Variants in FSTL5 observed in about 807,000 individuals in gnomAD.
FSTL5 encodes the protein follistatin like 5.
FSTL5 carries 62 observed loss-of-function variants against 89.1 expected under a neutral mutation model. That is an observed-to-expected ratio of 0.70 (90% CI 0.57 to 0.86). The LOEUF (loss-of-function observed/expected upper bound fraction) is 0.86, where lower values mean the gene tolerates loss of function less well. FSTL5 is among the 40% of genes least tolerant of loss of function. The pLI, the probability that FSTL5 is intolerant of heterozygous loss-of-function variation, is 0.00. For missense variants in FSTL5, 1,057 were observed against 1,001.6 expected, an observed-to-expected ratio of 1.06 and a Z score of -0.75; for synonymous variants, 383 against 346.2, an observed-to-expected ratio of 1.11 and a Z score of -1.18.
chr4:161,944,347 T>G (rs1734677526), intron 3 of FSTL5, among the ~76,000 whole-genome samples: 2 of 152,000 alleles, frequency 1.3e-5, no homozygotes, highest in African/African-American at 2.4e-5. Context: ...AAAAATCTAT[T>G]TTACATTTAT....
At chr4:161,755,315 A>G (rs961792834) in intron 6 of FSTL5, among the ~76,000 whole-genome samples, 2 of 152,114 alleles carry the variant, frequency 1.3e-5, no homozygotes, top group Admixed American at 1.3e-4. Flanking sequence ...CAAAGAAAAA[A>G]GGTATTTTTG....
intron 6 of FSTL5, among the ~76,000 whole-genome samples, chr4:161,669,841 T>A (rs1022100124): frequency 3.3e-5 from 5 of 152,100 alleles, no homozygotes; most frequent in African/African-American, 1.2e-4. Context: ...AGATAGATCA[T>A]AAGGTGTTTA....
intron 15 of FSTL5, among the ~76,000 whole-genome samples, chr4:161,443,453 G>A (rs1023510234): frequency 1.3e-5 from 2 of 151,932 alleles, no homozygotes; most frequent in East Asian, 1.9e-4. Flanking sequence ...CAAAGTATGA[G>A]TTTAAGAAAA....
intron 7 of FSTL5, among the ~76,000 whole-genome samples, chr4:161,605,630 A>T (rs1410360471): frequency 6.6e-6 from 1 of 152,182 alleles, no homozygotes; most frequent in Non-Finnish European, 1.5e-5. Flanking sequence ...TCACTACTAA[A>T]TTCTTGTCCT....
At chr4:161,646,180 T>C (rs1736148654) in intron 7 of FSTL5, among the ~76,000 whole-genome samples, 1 of 148,180 alleles carries the variant, frequency 6.7e-6, no homozygotes, top group Non-Finnish European at 1.5e-5. Flanking sequence ...ATATATAATA[T>C]ATCATATATA....
At chr4:161,430,697 G>A (rs1212345845) in intron 15 of FSTL5, among the ~76,000 whole-genome samples, 1 of 152,142 alleles carries the variant, frequency 6.6e-6, no homozygotes, top group Non-Finnish European at 1.5e-5. Flanking sequence ...CCAAGATCCG[G>A]CTACTGCATT....
intron 3 of FSTL5, among the ~76,000 whole-genome samples, chr4:161,924,740 G>A (rs1734078947): frequency 6.6e-6 from 1 of 151,702 alleles, no homozygotes; most frequent in African/African-American, 2.4e-5. Context: ...GATATACAGG[G>A]CATGGAATAG....
At chr4:161,836,472 G>T (rs537992905) in intron 4 of FSTL5, among the ~76,000 whole-genome samples, 3 of 149,336 alleles carry the variant, frequency 2.0e-5, no homozygotes, top group African/African-American at 4.9e-5. Flanking sequence ...AAAAAAAAAA[G>T]AAAAGAAAAG....
chr4:161,963,300 C>T (rs1735232193), intron 3 of FSTL5, among the ~76,000 whole-genome samples: 1 of 151,818 alleles, frequency 6.6e-6, no homozygotes, highest in Non-Finnish European at 1.5e-5. Flanking sequence ...AAATTCCTCA[C>T]ATATTGTATA....
intron 3 of FSTL5, among the ~76,000 whole-genome samples, chr4:162,016,579 G>T (rs1736922327): frequency 6.6e-6 from 1 of 152,110 alleles, no homozygotes; most frequent in African/African-American, 2.4e-5. Flanking sequence ...AATTCCTTTG[G>T]ACTTTAGTGT....
chr4:161,766,111 T>C (rs554603096), intron 5 of FSTL5, among the ~76,000 whole-genome samples: 1 of 152,188 alleles, frequency 6.6e-6, no homozygotes, highest in Non-Finnish European at 1.5e-5. Flanking sequence ...GCATTTTTAA[T>C]GTAAATCAGT....
intron 4 of FSTL5, among the ~76,000 whole-genome samples, chr4:161,902,067 T>A (rs1308543818): frequency 6.6e-6 from 1 of 152,218 alleles, no homozygotes; most frequent in African/African-American, 2.4e-5. Flanking sequence ...ATTTGTTACA[T>A]GTATTCTGAT....
chr4:161,841,870 G>C (rs1424430205), intron 4 of FSTL5, among the ~76,000 whole-genome samples: 2 of 151,954 alleles, frequency 1.3e-5, no homozygotes, highest in Non-Finnish European at 2.9e-5. Context: ...CCTCTCTATG[G>C]GCCTTAAGAT....
intron 7 of FSTL5, among the ~76,000 whole-genome samples, chr4:161,592,603 T>G (rs1733860722): frequency 6.6e-6 from 1 of 152,202 alleles, no homozygotes; most frequent in Non-Finnish European, 1.5e-5. Flanking sequence ...GGACATGAAC[T>G]CATCCTTTTC....
Position 162,039,437 on chromosome 4 carries a change from T to C in FSTL5, c.127-5779A>G, listed in dbSNP as rs1396953328. ...ACTATTTTTAAAAACAAGTCAAAAT[T>C]AAAAGGAAAATCCCTGTGAAAATTT... On this transcript the variant is annotated intron_variant, in intron 2 of 15. Transcript: ENST00000306100. Among the ~76,000 whole-genome samples, 3 of 152,000 alleles carry C rather than the reference T, an allele frequency of 2.0e-5. 1 individual carries two copies. The East Asian group carries it at 5.8e-4, about 29-fold the overall frequency.
At chr4:161,698,051 C>T (rs1482789273) in intron 6 of FSTL5, among the ~76,000 whole-genome samples, 2 of 151,866 alleles carry the variant, frequency 1.3e-5, no homozygotes, top group African/African-American at 2.4e-5. Context: ...GGAGATGAGG[C>T]CTTTGGTAAG....
chr4:161,987,655 A>T (rs1026086107), intron 3 of FSTL5, among the ~76,000 whole-genome samples: 4 of 148,552 alleles, frequency 2.7e-5, no homozygotes, highest in African/African-American at 9.8e-5. Flanking sequence ...TTTTATTGAA[A>T]TATATATATA....
At chr4:161,883,552 A>G (rs1020768528) in intron 4 of FSTL5, among the ~76,000 whole-genome samples, 7 of 152,074 alleles carry the variant, frequency 4.6e-5, no homozygotes, top group Non-Finnish European at 1.0e-4. Flanking sequence ...AAGCAAAATG[A>G]GCCCTCTGGG....
In FSTL5 at chr4:162,010,480, T is replaced by C. The variant is rs556727476; in HGVS notation, c.160+23145A>G. 5.3e-5 allele frequency among the ~76,000 whole-genome samples: 8 copies of C among 152,306 alleles called. No homozygotes were observed. The South Asian group carries it at 1.7e-3, about 32-fold the overall frequency. On this transcript the variant is annotated intron_variant, in intron 3 of 15. Coordinates refer to ENST00000306100, the MANE Select transcript of FSTL5 (RefSeq NM_020116.5). The stretch of plus-strand genomic sequence containing the variant: ...AATCCACACACCATGTAGTTCACTC[T>C]TTTACAGTGTACAGTGACTTTCACA...
Sources: allele counts gnomAD v4.1 joint callset (sites outside exome capture counted in the v4.1 genomes callset), GRCh38; gene constraint gnomAD v4.1.1; transcripts MANE v1.5; gene names NCBI Gene and HGNC (gene_info 2026-07-23, HGNC 2026-07-21).